Variants in CCDC57 observed in about 807,000 individuals in gnomAD.
CCDC57 encodes the protein coiled-coil domain-containing protein 57.
Under a neutral mutation model 118.9 loss-of-function variants are expected in CCDC57, and 118 were observed. The observed-to-expected ratio is 0.99, with a 90% confidence interval of 0.86 to 1.16. The LOEUF is 1.16. Among genes scored for constraint, CCDC57 ranks in the 50% most tolerant of loss-of-function variants. CCDC57 has a pLI of 0.00. For missense variants in CCDC57, 1,300 were observed against 1,320.7 expected, an observed-to-expected ratio of 0.98 and a Z score of 0.24; for synonymous variants, 527 against 532.9, an observed-to-expected ratio of 0.99 and a Z score of 0.15.
At chr17:82,194,803 G>A (rs531903459) in intron 5 of CCDC57, among the ~76,000 whole-genome samples, 49 of 152,364 alleles carry the variant, frequency 3.2e-4, no homozygotes, top group African/African-American at 1.1e-3. Context: ...CAAGCCACTC[G>A]CGTCCCAGCT....
chr17:82,199,721 C>A (rs1040265191), intron 3 of CCDC57, among the ~76,000 whole-genome samples: 1 of 152,164 alleles, frequency 6.6e-6, no homozygotes, highest in East Asian at 1.9e-4. Context: ...GGCGCCCAGA[C>A]GAGGTGCAGG....
Position 82,212,209 on chromosome 17 carries a change from G to A in CCDC57, c.-211+576C>T, listed in dbSNP as rs954445314. Among the ~76,000 whole-genome samples the A allele has an allele frequency of 4.6e-5, 7 of 151,884 alleles. No individual in the cohort carries two copies. Among genetic ancestry groups the A allele is most frequent in the African/African-American group, 1.5e-4 (6 of 41,338 alleles). On this transcript the variant is annotated intron_variant, in intron 1 of 19. Transcript: ENST00000665763. This position sits in a 1 kb window ranked among gnomAD's most constrained non-coding sequence, Gnocchi z 4.1. ...AAGCGATTCTCCTGCTTCAGCCTCCGGAGTAGCTGGGATTACAGGCGTGCA... is the reference window on the plus strand; with the variant it reads ...AAGCGATTCTCCTGCTTCAGCCTCCAGAGTAGCTGGGATTACAGGCGTGCA...
intron 19 of CCDC57, among the ~76,000 whole-genome samples, chr17:82,110,011 CA>C (rs1439408117): frequency 6.8e-6 from 1 of 147,812 alleles, no homozygotes; most frequent in Non-Finnish European, 1.5e-5. Flanking sequence ...GACAGAGTCT[CA>C]CTCTGTCACC....
chr17:82,199,574 C>T (rs1004737809), intron 3 of CCDC57, among the ~76,000 whole-genome samples: 2 of 151,846 alleles, frequency 1.3e-5, no homozygotes, highest in Non-Finnish European at 2.9e-5. Context: ...CTTGAAGAGA[C>T]ACTTCACAAC....
At chr17:82,128,619 G>A in intron 17 of CCDC57, 22 bp from the exon 17 acceptor site, 1 of 1,535,682 alleles carries the variant, frequency 6.5e-7, no homozygotes, top group Non-Finnish European at 8.8e-7. Flanking sequence ...ATTTAAATGA[G>A]AGGACTCTGG....
chr17:82,140,706 G>A (rs760998670), intron 16 of CCDC57, among the ~76,000 whole-genome samples: 4 of 152,172 alleles, frequency 2.6e-5, no homozygotes, highest in East Asian at 1.9e-4. Flanking sequence ...CTGAGAAGAC[G>A]CCCATTTAGT....
exon 15 of CCDC57, chr17:82,157,835 C>T (rs771619010): frequency 3.7e-6 from 6 of 1,601,544 alleles, no homozygotes; most frequent in Middle Eastern, 1.7e-4. Context: ...TCCTGAGATG[C>T]TTCCCCAGCT....
chr17:82,123,122 CTTT>C lies in CCDC57; in HGVS notation c.2899+4567_2899+4569del, dbSNP rs34869339. ...TTAACCACTCCTTCCCTCCTAATAA[CTTT>C]TTTTTTTTTTTTTTTTTTGTAGAGA... On this transcript the variant is annotated intron_variant, in intron 19 of 19. Transcript: ENST00000665763. Among the ~76,000 whole-genome samples the C allele has an allele frequency of 9.1e-3, 966 of 105,738 alleles. 6 individuals carry two copies. Among genetic ancestry groups the C allele is most frequent in the African/African-American group, 0.035 (932 of 26,538 alleles). The allele number at this position is 105,738 out of a possible 152,430, so 69.4% of individuals were successfully genotyped here.
chr17:82,102,196 A>C (rs139048972), intron 19 of CCDC57, among the ~76,000 whole-genome samples: 1 of 152,316 alleles, frequency 6.6e-6, no homozygotes, highest in East Asian at 1.9e-4. Flanking sequence ...GCTGTGTGGT[A>C]ATGGGTCCCA....
chr17:82,182,749 G>A (rs777200441), intron 9 of CCDC57, among the ~76,000 whole-genome samples: 4 of 147,422 alleles, frequency 2.7e-5, no homozygotes, highest in African/African-American at 1.0e-4. Flanking sequence ...GCAGTGGCAC[G>A]ATCTGGGCTC....
chr17:82,185,567 C>A (rs1568407484), intron 8 of CCDC57, among the ~76,000 whole-genome samples: 1 of 151,494 alleles, frequency 6.6e-6, no homozygotes, highest in Admixed American at 6.6e-5. Flanking sequence ...TGCAGTGAAC[C>A]GAGATCACGC....
At chr17:82,171,880 AAC>A (rs770079422) in intron 12 of CCDC57, 27 bp from the exon 12 acceptor site, 11 of 1,606,172 alleles carry the variant, frequency 6.8e-6, no homozygotes, top group Non-Finnish European at 6.8e-6. Flanking sequence ...CAGTGAATAT[AAC>A]ACATACACAG....
At chr17:82,145,798 C>T in intron 16 of CCDC57, 1 of 466,474 alleles carries the variant, frequency 2.1e-6, no homozygotes, top group Middle Eastern at 3.3e-4. Context: ...TCGGCCGGAA[C>T]CCTGTAGCAG....
In CCDC57 at chr17:82,192,670, G is replaced by A. The variant is rs4789724; in HGVS notation, c.851+1086C>T. ...GTTTCCTCATCTAGGTAGAGAACCCGGATGGGTGCCCTCACAATGCGAGCC... is the reference window on the plus strand; with the variant it reads ...GTTTCCTCATCTAGGTAGAGAACCCAGATGGGTGCCCTCACAATGCGAGCC... On this transcript the variant is annotated intron_variant, in intron 7 of 19. Transcript: ENST00000665763. The surrounding 1 kb of genome is among the most constrained non-coding windows in gnomAD (Gnocchi z 4.0). 0.47 allele frequency among the ~76,000 whole-genome samples: 70,676 copies of A among 151,936 alleles called. 17,225 individuals are homozygous for A. The highest frequency in any genetic ancestry group is 0.88 in the East Asian group (4,555 of 5,166).
At chr17:82,146,784 T>C (rs2040799154) in intron 16 of CCDC57, among the ~76,000 whole-genome samples, 1 of 152,066 alleles carries the variant, frequency 6.6e-6, no homozygotes, top group Non-Finnish European at 1.5e-5. Context: ...CATACAAATG[T>C]ATGTGCACAG....
At chr17:82,210,485 A>C (rs2050091292) in intron 1 of CCDC57, among the ~76,000 whole-genome samples, 1 of 151,002 alleles carries the variant, frequency 6.6e-6, no homozygotes. Context: ...CAGCCTGACC[A>C]ACATGGTGAA....
chr17:82,122,104 T>A (rs1326618832), intron 19 of CCDC57, among the ~76,000 whole-genome samples: 2 of 152,238 alleles, frequency 1.3e-5, no homozygotes, highest in East Asian at 3.9e-4. Context: ...CGGATCTGCT[T>A]CCTGAGGCGC....
At chr17:82,109,271 G>A (rs1392094224) in intron 19 of CCDC57, among the ~76,000 whole-genome samples, 3 of 152,226 alleles carry the variant, frequency 2.0e-5, no homozygotes, top group East Asian at 3.8e-4. Flanking sequence ...GGCGCAGAGC[G>A]GGGCGTGTGG....
intron 15 of CCDC57, chr17:82,155,858 G>T (rs1289335366): frequency 1.3e-5 from 2 of 152,280 alleles, no homozygotes; most frequent in African/African-American, 4.8e-5. Flanking sequence ...CTCAGACCCA[G>T]GAGGAGCCTG....
Sources: allele counts gnomAD v4.1 joint callset (sites outside exome capture counted in the v4.1 genomes callset), GRCh38; gene constraint gnomAD v4.1.1; non-coding constraint Gnocchi (gnomAD v3.1); transcripts MANE v1.5; gene names NCBI Gene and HGNC (gene_info 2026-07-23, HGNC 2026-07-21).